RIMBP2: variants seen among roughly 807,000 people sequenced by gnomAD.
RIMBP2 encodes the protein RIMS binding protein 2.
A neutral mutation model predicts 118.6 loss-of-function variants in RIMBP2; 48 were observed. The ratio of observed to expected loss-of-function variants is 0.40; its 90% confidence interval spans 0.32 to 0.51. The LOEUF (loss-of-function observed/expected upper bound fraction) is 0.51, where lower values mean the gene tolerates loss of function less well. Ranked by LOEUF, RIMBP2 falls within the 20% of genes least tolerant of loss-of-function variation. The pLI, the probability that RIMBP2 is intolerant of heterozygous loss-of-function variation, is 0.41. For missense variants in RIMBP2, 1,551 were observed against 1,768.3 expected (o/e 0.88, Z 2.20); for synonymous variants, 762 against 742.9 (o/e 1.03, Z -0.42).
intron 1 of RIMBP2, among the ~76,000 whole-genome samples, chr12:130,634,575 C>T (rs1316155585): frequency 1.4e-5 from 2 of 144,436 alleles, no homozygotes; most frequent in African/African-American, 5.1e-5. Flanking sequence ...GCAAAGAAAC[C>T]TGCCTCTCTT....
In RIMBP2 at chr12:130,414,249, G is replaced by A; in HGVS notation, c.3296C>T (p.Pro1099Leu). ...CCGGGCCGGGAGCTCTTCGGCACCA[G>A]GGTCAGTTTCTGACTCTTCATAGAA... ...PDFYEESETD[P>L]GAEELPARIF... Residue 1099 changes from proline (P) to leucine (L), a missense_variant, in exon 18 of 23, where the codon CCT (proline) becomes CTT (leucine). Coordinates refer to ENST00000690449, the MANE Select transcript of RIMBP2 (RefSeq NM_001393629.1). 2 of 1,613,808 alleles carry A rather than the reference G, an allele frequency of 1.2e-6. No homozygotes were observed. Among genetic ancestry groups the A allele is most frequent in the South Asian group, 2.2e-5 (2 of 91,046 alleles).
At chr12:130,482,754 C>T (rs1268453989) in intron 4 of RIMBP2, among the ~76,000 whole-genome samples, 1 of 149,888 alleles carries the variant, frequency 6.7e-6, no homozygotes, top group East Asian at 2.0e-4. Flanking sequence ...TGTGTGTGTA[C>T]ATGTGTCAGA....
In RIMBP2 at chr12:130,703,835, T is replaced by G. The variant is rs2695881; in HGVS notation, c.-352+12387A>C. Among the ~76,000 whole-genome samples the G allele has an allele frequency of 0.61, 75,406 of 123,016 alleles. 21,110 individuals are homozygous for G. Among genetic ancestry groups the G allele is most frequent in the Middle Eastern group, 0.73 (191 of 262 alleles). 80.7% of individuals were successfully genotyped at this position (123,016 alleles called of 152,430 possible). On this transcript the variant is annotated intron_variant, in intron 1 of 22. Coordinates refer to ENST00000690449, the MANE Select transcript of RIMBP2 (RefSeq NM_001393629.1). This position sits in a 1 kb window ranked among gnomAD's most constrained non-coding sequence, Gnocchi z 5.7. ...GGAAATACAGAGAGAGAGAGAGAGA[T>G]CGATCTAGAAGCACGGAGGGAACCC...
intron 17 of RIMBP2, among the ~76,000 whole-genome samples, chr12:130,415,343 C>A (rs943355512): frequency 6.6e-6 from 1 of 152,088 alleles, no homozygotes; most frequent in Non-Finnish European, 1.5e-5. Context: ...GCAATAAAAT[C>A]CAACATCCCT....
At chr12:130,685,070 T>A (rs2064978768) in intron 1 of RIMBP2, among the ~76,000 whole-genome samples, 1 of 152,178 alleles carries the variant, frequency 6.6e-6, no homozygotes, top group South Asian at 2.1e-4. Context: ...ACTTTTTGGA[T>A]TCTCTTGAAA....
chr12:130,588,042 G>A (rs908489147), intron 2 of RIMBP2, among the ~76,000 whole-genome samples: 9 of 151,796 alleles, frequency 5.9e-5, no homozygotes, highest in South Asian at 2.1e-4. Flanking sequence ...TCTCAATCCC[G>A]TTCCTGTCCA....
At chr12:130,676,601 T>C (rs531500015) in intron 1 of RIMBP2, among the ~76,000 whole-genome samples, 19 of 150,364 alleles carry the variant, frequency 1.3e-4, no homozygotes, top group Non-Finnish European at 2.2e-4. Flanking sequence ...CCAGCCTGGG[T>C]GACAGAGCGA....
In RIMBP2 at chr12:130,442,837, G is replaced by A. The variant is rs1277496127; in HGVS notation, c.692-177C>T. Among the ~76,000 whole-genome samples, 2 of 152,178 alleles carry A rather than the reference G, an allele frequency of 1.3e-5. No individual in the cohort carries two copies. The highest frequency in any genetic ancestry group is 1.9e-4 in the East Asian group (1 of 5,188). On this transcript the variant is annotated intron_variant, in intron 10 of 22. Coordinates refer to ENST00000690449, the MANE Select transcript of RIMBP2 (RefSeq NM_001393629.1). This position sits in a 1 kb window ranked among gnomAD's most constrained non-coding sequence, Gnocchi z 6.9. ...GCCAGCTCCACACCCACCATCTAAA[G>A]AGCCAGCTCCTCCATCCCCGTGGCC... is the stretch of plus-strand genomic sequence containing the variant.
At chr12:130,542,624 T>G (rs1021645837) in intron 2 of RIMBP2, among the ~76,000 whole-genome samples, 1 of 152,186 alleles carries the variant, frequency 6.6e-6, no homozygotes, top group African/African-American at 2.4e-5. Context: ...TTGCTCTGCA[T>G]GACAATACTA....
In RIMBP2 at chr12:130,438,429, G is replaced by T; in HGVS notation, c.1592C>A (p.Thr531Lys). Residue 531 changes from threonine (T) to lysine (K), a missense_variant, in exon 12 of 23, where the codon ACG (threonine) becomes AAG (lysine). Thr to Lys is a moderately conservative substitution (Grantham distance 78). Around this residue, in one of 5 missense-constraint regions of RIMBP2, gnomAD observed 1,038 missense variants for 1,125.1 expected, o/e 0.92. Transcript: ENST00000690449. The part of the protein sequence containing the change: ...IRVSWRPPVL[T>K]PTGLSNGANV... The stretch of plus-strand genomic sequence containing the variant: ...TGCGCCATTGGACAGCCCGGTGGGC[G>T]TCAGCACAGGTGGTCTCCAGGAGAC... 6.2e-7 allele frequency: 1 copy of T among 1,613,712 alleles called. No homozygotes were observed. Among genetic ancestry groups the T allele is most frequent in the Non-Finnish European group, 8.5e-7 (1 of 1,179,894 alleles).
At chr12:130,583,676 G>A (rs924882825) in intron 2 of RIMBP2, among the ~76,000 whole-genome samples, 5 of 133,328 alleles carry the variant, frequency 3.8e-5, no homozygotes, top group African/African-American at 5.8e-5. Context: ...TCACTATCAC[G>A]ACTATTACAT....
chr12:130,464,059 A>G (rs1036599541), intron 6 of RIMBP2, among the ~76,000 whole-genome samples: 62 of 152,214 alleles, frequency 4.1e-4, no homozygotes, highest in African/African-American at 1.3e-3. Flanking sequence ...TGGAGCCCTC[A>G]GTTCCGGGAA....
At chr12:130,538,864 G>T (rs1356780642) in intron 2 of RIMBP2, among the ~76,000 whole-genome samples, 3 of 152,100 alleles carry the variant, frequency 2.0e-5, no homozygotes, top group Non-Finnish European at 4.4e-5. Flanking sequence ...TGGGGATCGG[G>T]TGGTGGCCCA....
rs1164142843 is a variant in RIMBP2, at chr12:130,710,181, G to C, written c.-352+6041C>G. Among the ~76,000 whole-genome samples, 3 of 152,174 alleles carry C rather than the reference G, an allele frequency of 2.0e-5. No homozygotes were observed. The highest frequency in any genetic ancestry group is 4.4e-5 in the Non-Finnish European group (3 of 68,024). ...CTATGAGAATCAAAGCCACCGAGCA[G>C]CTCGCAGATCCATTCCTCCCTCTGC... On this transcript the variant is annotated intron_variant, in intron 1 of 22. Transcript: ENST00000690449. The surrounding 1 kb of genome is among the most constrained non-coding windows in gnomAD (Gnocchi z 4.3).
At position 130,623,893 on chromosome 12, in the gene RIMBP2, T is replaced by C. The variant is rs7138724; in HGVS notation, c.-217+4429A>G. ...CCAGAGGTTCCACAGCAGGATTGAG[T>C]CCCCATCACCCACAGTGGCAACTGG... On this transcript the variant is annotated intron_variant, in intron 2 of 22. Transcript: ENST00000690449. This position sits in a 1 kb window ranked among gnomAD's most constrained non-coding sequence, Gnocchi z 4.1. Among the ~76,000 whole-genome samples the C allele has an allele frequency of 0.86, 131,502 of 152,220 alleles. 57,711 individuals are homozygous for C. The highest frequency in any genetic ancestry group is 0.94 in the Non-Finnish European group (64,195 of 68,038).
Position 130,481,845 on chromosome 12 carries a change from C to T in RIMBP2, c.-3-2829G>A, listed in dbSNP as rs56256936. Among the ~76,000 whole-genome samples, 1,060 of 152,322 alleles carry T rather than the reference C, an allele frequency of 7.0e-3. 17 individuals are homozygous for T. The highest frequency in any genetic ancestry group is 0.024 in the African/African-American group (1,009 of 41,572). ...ATCCGCCCTGACACACTGCTCCCCCCGCCCCGCTGGGCTGTCAGCCCATTT... is the reference window on the plus strand; with the variant it reads ...ATCCGCCCTGACACACTGCTCCCCCTGCCCCGCTGGGCTGTCAGCCCATTT... On this transcript the variant is annotated intron_variant, in intron 4 of 22. Coordinates refer to ENST00000690449, the MANE Select transcript of RIMBP2 (RefSeq NM_001393629.1).
intron 1 of RIMBP2, among the ~76,000 whole-genome samples, chr12:130,690,033 G>A (rs932454761): frequency 3.3e-5 from 5 of 152,198 alleles, no homozygotes; most frequent in South Asian, 2.1e-4. Context: ...CCCGTGTCCC[G>A]CTGGTGCTGC....
chr12:130,407,784 C>T lies in RIMBP2; in HGVS notation c.3635G>A (p.Arg1212Lys). The stretch of plus-strand genomic sequence containing the variant: ...GTCGTAGTCATACAGGGCCACCATT[C>T]TCCGCGTCGATACCGAATGACGCCT... ...SGRRHSVSTRRMVALYDYDPR... is the reference protein window; with the variant it reads ...SGRRHSVSTRKMVALYDYDPR... Residue 1212 changes from arginine to lysine, a missense_variant, in exon 20 of 23, where the codon AGA becomes AAA. By Grantham distance (26) the Arg-to-Lys change is conservative. Transcript: ENST00000690449. 6.2e-7 allele frequency: 1 copy of T among 1,614,150 alleles called. No homozygotes were observed. The highest frequency in any genetic ancestry group is 8.5e-7 in the Non-Finnish European group (1 of 1,180,014).
chr12:130,580,582 C>T (rs553531799), intron 2 of RIMBP2, among the ~76,000 whole-genome samples: 11 of 152,228 alleles, frequency 7.2e-5, no homozygotes, highest in African/African-American at 1.4e-4. Flanking sequence ...ACTAATACAT[C>T]GGCTTTATTT....
Sources: gnomAD v4.1 joint callset for allele counts (sites outside exome capture counted in the v4.1 genomes callset) on GRCh38, gnomAD v4.1.1 for gene constraint, gnomAD v4.1.1 regional missense constraint, Gnocchi (gnomAD v3.1) non-coding constraint, MANE v1.5 for transcripts, NCBI Gene and HGNC (gene_info 2026-07-23, HGNC 2026-07-21) for gene names.